LRRC8B: variants seen among roughly 807,000 people sequenced by gnomAD.
LRRC8B encodes the protein volume-regulated anion channel subunit LRRC8B.
LRRC8B carries 23 observed loss-of-function variants against 58.8 expected under a neutral mutation model. The ratio of observed to expected loss-of-function variants is 0.39; its 90% CI spans 0.28 to 0.55. The LOEUF (loss-of-function observed/expected upper bound fraction) is 0.55. Among genes scored for constraint, LRRC8B ranks in the 20% least tolerant of loss-of-function variants. The pLI is 0.62. For missense variants in LRRC8B, 694 were observed against 936.0 expected (o/e 0.74, Z 3.37); for synonymous variants, 359 against 374.1 (o/e 0.96, Z 0.47).
At chr1:89,560,730 G>A (rs1327831401) in intron 1 of LRRC8B, among the ~76,000 whole-genome samples, 3 of 149,198 alleles carry the variant, frequency 2.0e-5, no homozygotes, top group African/African-American at 7.4e-5. Flanking sequence ...CATTTTTTAT[G>A]GCTGCATAGT....
intron 1 of LRRC8B, among the ~76,000 whole-genome samples, chr1:89,552,289 G>A (rs146141400): frequency 6.6e-6 from 1 of 152,188 alleles, no homozygotes; most frequent in African/African-American, 2.4e-5. Context: ...TTCTGTTTTT[G>A]CATGGTGTCT....
rs551745360 is a variant in LRRC8B at position 89,593,238 on chromosome 1, G to A, written c.*195G>A. The A allele has an allele frequency of 4.2e-5, 23 of 544,504 alleles. No individual in the cohort carries two copies. The highest frequency in any genetic ancestry group is 6.2e-5 in the Non-Finnish European group (19 of 306,900). 33.7% of individuals were successfully genotyped at this position (544,504 alleles called of 1,614,324 possible). ...AAAACTACAAAAAAATTAGCCAGGC[G>A]TGGTGGCGTGCGCCTGTAATCCCAG... On this transcript the variant is annotated 3_prime_UTR_variant, in exon 6 of 6. Coordinates refer to ENST00000330947, the MANE Select transcript of LRRC8B (RefSeq NM_001369817.2).
At chr1:89,525,367 TCGGGGCGGGG>T (rs1649593922) in intron 1 of LRRC8B, among the ~76,000 whole-genome samples, 1 of 152,124 alleles carries the variant, frequency 6.6e-6, no homozygotes, top group Non-Finnish European at 1.5e-5. Flanking sequence ...GCGTGAGTCC[TCGGGGCGGGG>T]CGGGAAAGGG....
At chr1:89,539,728 G>C (rs1650814574) in intron 1 of LRRC8B, among the ~76,000 whole-genome samples, 1 of 152,122 alleles carries the variant, frequency 6.6e-6, no homozygotes, top group Non-Finnish European at 1.5e-5. Context: ...ATTTTGCATT[G>C]TTCAACTTAA....
intron 3 of LRRC8B, among the ~76,000 whole-genome samples, chr1:89,574,060 A>G (rs1270013875): frequency 1.3e-5 from 2 of 152,178 alleles, no homozygotes; most frequent in African/African-American, 4.8e-5. Context: ...GTCTCTTGCT[A>G]TGAGGAAGCC....
intron 1 of LRRC8B, among the ~76,000 whole-genome samples, chr1:89,555,208 G>A (rs566867188): frequency 2.6e-5 from 4 of 152,188 alleles, no homozygotes; most frequent in South Asian, 2.1e-4. Flanking sequence ...TTATTTGTGC[G>A]TTATTTTAGA....
intron 1 of LRRC8B, among the ~76,000 whole-genome samples, chr1:89,550,846 C>T (rs1205519430): frequency 6.6e-6 from 1 of 152,144 alleles, no homozygotes; most frequent in African/African-American, 2.4e-5. Flanking sequence ...TAGGTTCCTG[C>T]CTGGTTTCCT....
Position 89,569,675 on chromosome 1 carries a change from G to T in LRRC8B, c.-125+1182G>T, listed in dbSNP as rs112511688. On this transcript the variant is annotated intron_variant, in intron 3 of 5. Coordinates refer to ENST00000330947, the MANE Select transcript of LRRC8B (RefSeq NM_001369817.2). ...TTTTATGGCTATGTAGTATTCCATG[G>T]TGTATACGTATCATATTTTCTATGT... is the stretch of plus-strand genomic sequence containing the variant. 9.1e-3 allele frequency among the ~76,000 whole-genome samples: 1,391 copies of T among 152,164 alleles called. 21 individuals carry two copies. The highest frequency in any genetic ancestry group is 0.032 in the African/African-American group (1,318 of 41,510).
Position 89,584,181 on chromosome 1 carries a change from A to C in LRRC8B, c.1531A>C (p.Asn511His). Residue 511 changes from asparagine to histidine, a missense_variant, in exon 5 of 6, where the codon AAT (asparagine) becomes CAT (histidine). Coordinates refer to ENST00000330947, the MANE Select transcript of LRRC8B (RefSeq NM_001369817.2). ...KIPRWVFHLK[N>H]LKELYLSGCV... is the part of the protein sequence containing the mutation. ...CCCACGCTGGGTATTTCACCTCAAG[A>C]ATCTCAAGGAACTTTATCTTTCGGG... 1.2e-6 allele frequency: 2 copies of C among 1,611,494 alleles called. No individual in the cohort carries two copies. The highest frequency in any genetic ancestry group is 2.2e-5 in the South Asian group (2 of 91,084).
chr1:89,534,658 G>A (rs1030413833), intron 1 of LRRC8B, among the ~76,000 whole-genome samples: 2 of 152,116 alleles, frequency 1.3e-5, no homozygotes, highest in Non-Finnish European at 2.9e-5. Context: ...AGAACAACAC[G>A]TGTAATCAAA....
chr1:89,560,381 T>G (rs953002162), intron 1 of LRRC8B, among the ~76,000 whole-genome samples: 4 of 138,922 alleles, frequency 2.9e-5, no homozygotes, highest in Non-Finnish European at 4.8e-5. Flanking sequence ...CTATCTCATT[T>G]GGTATATCTT....
chr1:89,530,255 A>T (rs1650018779), intron 1 of LRRC8B, among the ~76,000 whole-genome samples: 1 of 151,578 alleles, frequency 6.6e-6, no homozygotes, highest in African/African-American at 2.4e-5. Flanking sequence ...GCTACTCGGG[A>T]GGCTGAGGCA....
intron 1 of LRRC8B, among the ~76,000 whole-genome samples, chr1:89,553,974 C>T (rs1043021590): frequency 6.6e-6 from 1 of 152,142 alleles, no homozygotes; most frequent in Non-Finnish European, 1.5e-5. Flanking sequence ...TTATATCAAG[C>T]CTAAATTCCT....
At position 89,592,956 on chromosome 1, in the gene LRRC8B, G is replaced by A; in HGVS notation, c.2325G>A (p.Arg775=). 6.2e-7 allele frequency: 1 copy of A among 1,614,108 alleles called. No individual in the cohort carries two copies. Residue 775 remains arginine (R), a synonymous_variant, in exon 6 of 6, where the codon CGG becomes CGA. Coordinates refer to ENST00000330947, the MANE Select transcript of LRRC8B (RefSeq NM_001369817.2). ...PELEGCQSLK[R]NCLIVEENLL... is the part of the protein sequence containing the mutation. The stretch of plus-strand genomic sequence containing the variant: ...TAGAAGGATGTCAGTCCCTAAAACG[G>A]AACTGTCTGATTGTTGAGGAGAACT...
chr1:89,549,130 A>G (rs1362593421), intron 1 of LRRC8B, among the ~76,000 whole-genome samples: 3 of 152,226 alleles, frequency 2.0e-5, no homozygotes, highest in Non-Finnish European at 4.4e-5. Context: ...CTTACTGCTT[A>G]CTGTGCAGAG....
chr1:89,582,997 G>C lies in LRRC8B; in HGVS notation c.347G>C (p.Trp116Ser). 6.2e-7 allele frequency: 1 copy of C among 1,614,082 alleles called. No individual in the cohort carries two copies. The highest frequency in any genetic ancestry group is 8.5e-7 in the Non-Finnish European group (1 of 1,180,006). The change falls in exon 5 of 6, where the codon TGG becomes TCG. Residue 116 changes from tryptophan to serine, a missense_variant. Physicochemically the swap from Trp to Ser is radical, Grantham distance 177 (BLOSUM62 -3). Coordinates refer to ENST00000330947, the MANE Select transcript of LRRC8B (RefSeq NM_001369817.2). Reference protein sequence around the residue: ...DAVCYEKQLHWFAKFFPYLVL... With the variant: ...DAVCYEKQLHSFAKFFPYLVL... ...GTCTGTTACGAGAAACAGCTCCATT[G>C]GTTTGCAAAGTTTTTCCCCTATCTG... is the stretch of plus-strand genomic sequence containing the variant.
rs1654381272 is a variant in LRRC8B at position 89,583,320 on chromosome 1, A to G, written c.670A>G (p.Ser224Gly). The G allele has an allele frequency of 6.2e-7, 1 of 1,614,092 alleles. No homozygotes were observed. Among genetic ancestry groups the G allele is most frequent in the South Asian group, 1.1e-5 (1 of 91,086 alleles). ...AGCTGGCATAGAAAGCCCAACTTCC[A>G]GTGTCCTGGACAAGAAGGAGGGTGA... ...ESAGIESPTS[S>G]VLDKKEGEQA... Residue 224 changes from serine to glycine, a missense_variant, in exon 5 of 6, where the codon AGT becomes GGT. This residue lies in a region of LRRC8B where 316 missense variants were observed against 403.8 expected (regional missense o/e 0.78). Transcript: ENST00000330947. This position sits in a 1 kb window ranked among gnomAD's most constrained non-coding sequence, Gnocchi z 5.2.
rs1157524759 is a variant in LRRC8B at position 89,595,740 on chromosome 1, T to G, written c.*2697T>G. 1 of 152,136 alleles carries G rather than the reference T, an allele frequency of 6.6e-6. No homozygotes were observed. The highest frequency in any genetic ancestry group is 1.5e-5 in the Non-Finnish European group (1 of 67,988). 9.4% of individuals were successfully genotyped at this position (152,136 alleles called of 1,614,324 possible). A position where few individuals can be genotyped will look rare whatever the true frequency, so the allele number is the denominator to read the frequency against. ...TGCAAGGAAAAATGAGGCTACTACT[T>G]CACATAAAAAATAGGGTGTTAATAC... is the stretch of plus-strand genomic sequence containing the variant. On this transcript the variant is annotated 3_prime_UTR_variant, in exon 6 of 6. Coordinates refer to ENST00000330947, the MANE Select transcript of LRRC8B (RefSeq NM_001369817.2).
At chr1:89,570,730 G>C (rs552483346) in intron 3 of LRRC8B, among the ~76,000 whole-genome samples, 1 of 152,190 alleles carries the variant, frequency 6.6e-6, no homozygotes, top group African/African-American at 2.4e-5. Context: ...AGATCCATTT[G>C]TCAATTTTTG....
Sources: allele counts gnomAD v4.1 joint callset (sites outside exome capture counted in the v4.1 genomes callset), GRCh38; gene constraint gnomAD v4.1.1; regional missense constraint gnomAD v4.1.1; non-coding constraint Gnocchi (gnomAD v3.1); transcripts MANE v1.5; gene names NCBI Gene and HGNC (gene_info 2026-07-23, HGNC 2026-07-21).